SRD5A2: variants seen among roughly 807,000 people sequenced by gnomAD.
The protein encoded by SRD5A2 is 3-oxo-5-alpha-steroid 4-dehydrogenase 2.
SRD5A2 carries 30 observed loss-of-function variants against 27.4 expected under a neutral mutation model. The observed-to-expected ratio is 1.10, with a 90% CI of 0.82 to 1.49. SRD5A2 has a LOEUF of 1.49. SRD5A2 is among the 40% of genes most tolerant of loss of function. SRD5A2 has a pLI of 0.00. For synonymous variants in SRD5A2, 141 were observed against 133.6 expected (o/e 1.06, Z -0.38); for missense variants, 348 against 323.4 (o/e 1.08, Z -0.58).
Position 31,531,483 on chromosome 2 carries a change from A to T in SRD5A2, c.446-11T>A, listed in dbSNP as rs761782703. 2.1e-5 allele frequency: 33 copies of T among 1,565,738 alleles called. No homozygotes were observed. Among genetic ancestry groups the T allele is most frequent in the Non-Finnish European group, 2.8e-5 (32 of 1,150,804 alleles). ...TAAATAAGAAGACACCTTGACAAAG[A>T]AGAGAGAAAGGAGAAATTTTTTTTA... On this transcript the variant is annotated splice_polypyrimidine_tract_variant and intron_variant, in intron 2 of 4. Coordinates refer to ENST00000622030, the MANE Select transcript of SRD5A2 (RefSeq NM_000348.4).
At chr2:31,573,486 C>T (rs1394715864) in intron 1 of SRD5A2, among the ~76,000 whole-genome samples, 1 of 152,212 alleles carries the variant, frequency 6.6e-6, no homozygotes, top group Non-Finnish European at 1.5e-5. Context: ...AGGGAGTCAA[C>T]AGCAGAACGG....
the SRD5A2 span, among the ~76,000 whole-genome samples, chr2:31,652,444 T>C: frequency 6.9e-6 from 1 of 143,948 alleles, no homozygotes; most frequent in Non-Finnish European, 1.5e-5. Context: ...TTTTCTAATC[T>C]AAAAAAAAAA....
the SRD5A2 span, among the ~76,000 whole-genome samples, chr2:31,617,202 G>T: frequency 5.9e-5 from 9 of 151,820 alleles, no homozygotes; most frequent in African/African-American, 1.9e-4. Flanking sequence ...CATGAAAACA[G>T]ACTAATACAG....
At chr2:31,545,872 GGATA>G (rs1448092344) in intron 1 of SRD5A2, among the ~76,000 whole-genome samples, 1 of 152,104 alleles carries the variant, frequency 6.6e-6, no homozygotes, top group Non-Finnish European at 1.5e-5. Flanking sequence ...CAAAGTAGCA[GGATA>G]GAGAGTTGAC....
chr2:31,591,153 T>C, the SRD5A2 span, among the ~76,000 whole-genome samples: 2 of 152,156 alleles, frequency 1.3e-5, no homozygotes, highest in African/African-American at 2.4e-5. Flanking sequence ...ACAGGCAACA[T>C]ACAGAATGGG....
chr2:31,656,071 G>A, the SRD5A2 span, among the ~76,000 whole-genome samples: 1 of 152,178 alleles, frequency 6.6e-6, no homozygotes, highest in South Asian at 2.1e-4. Context: ...TTCTCTCTGT[G>A]AAGCAGAAGA....
chr2:31,580,981 G>GCCACCC, upstream of SRD5A2: 1 of 1,438,288 alleles, frequency 7.0e-7, no homozygotes, highest in Non-Finnish European at 9.2e-7. Flanking sequence ...AGCGCCAGAC[G>GCCACCC]CCACCCGTGT....
chr2:31,592,637 C>A, the SRD5A2 span, among the ~76,000 whole-genome samples: 1 of 152,196 alleles, frequency 6.6e-6, no homozygotes, highest in Non-Finnish European at 1.5e-5. Context: ...GAGGCCCCAT[C>A]CCTGGGGGAT....
intron 1 of SRD5A2, among the ~76,000 whole-genome samples, chr2:31,571,631 G>A (rs1410633562): frequency 1.3e-5 from 2 of 152,118 alleles, no homozygotes; most frequent in African/African-American, 2.4e-5. Flanking sequence ...TCTGACAAAG[G>A]TCTAATATCC....
chr2:31,653,818 C>A, the SRD5A2 span, among the ~76,000 whole-genome samples: 1 of 152,078 alleles, frequency 6.6e-6, no homozygotes, highest in African/African-American at 2.4e-5. Flanking sequence ...CGCCACCATG[C>A]CCAGCTAATT....
At chr2:31,631,573 A>C in the SRD5A2 span, among the ~76,000 whole-genome samples, 2 of 152,140 alleles carry the variant, frequency 1.3e-5, no homozygotes, top group Non-Finnish European at 2.9e-5. Context: ...GTCAGACTTG[A>C]AGCAAATTAA....
chr2:31,524,863 T>G lies in SRD5A2; in HGVS notation c.*1333A>C, dbSNP rs1665738249. The stretch of plus-strand genomic sequence containing the variant: ...CCTTAGAGAGTCCATATCTCAGCAC[T>G]CATGCTGGGGTGACCCCTTCACAAG... On this transcript the variant is annotated 3_prime_UTR_variant, in exon 5 of 5. Coordinates refer to ENST00000622030, the MANE Select transcript of SRD5A2 (RefSeq NM_000348.4). 8.8e-6 allele frequency: 2 copies of G among 226,810 alleles called. No individual in the cohort carries two copies. The highest frequency in any genetic ancestry group is 1.1e-4 in the Admixed American group (2 of 17,566). 14.0% of individuals were successfully genotyped at this position (226,810 alleles called of 1,614,324 possible). A position where few individuals can be genotyped will look rare whatever the true frequency, so the allele number is the denominator to read the frequency against.
At chr2:31,572,828 C>G (rs865848861) in intron 1 of SRD5A2, among the ~76,000 whole-genome samples, 6 of 151,934 alleles carry the variant, frequency 3.9e-5, no homozygotes, top group Non-Finnish European at 8.8e-5. Context: ...ATATCAAAAC[C>G]AAATTACCCT....
In SRD5A2 at chr2:31,535,225, T is replaced by C. The variant is rs891197645; in HGVS notation, c.282-1459A>G. Among the ~76,000 whole-genome samples the C allele has an allele frequency of 3.3e-5, 5 of 152,160 alleles. No individual in the cohort carries two copies. The East Asian group carries it at 9.6e-4, about 29-fold the overall frequency. ...TTAGTAGAGACAGAGTTTCACCATATTGGCCAGGCTGGTCTGGAACTCTTG... is the reference window on the plus strand; with the variant it reads ...TTAGTAGAGACAGAGTTTCACCATACTGGCCAGGCTGGTCTGGAACTCTTG... On this transcript the variant is annotated intron_variant, in intron 1 of 4. Coordinates refer to ENST00000622030, the MANE Select transcript of SRD5A2 (RefSeq NM_000348.4).
At chr2:31,582,315 C>G (rs1341413028), upstream of SRD5A2, among the ~76,000 whole-genome samples, 1 of 152,180 alleles carries the variant, frequency 6.6e-6, no homozygotes, top group Non-Finnish European at 1.5e-5. Context: ...CTCATCTGCT[C>G]CCGTTTGGGG....
At position 31,523,416 on chromosome 2, in the gene SRD5A2, A is replaced by AC; in HGVS notation, c.*2779dup. 1 of 217,714 alleles carries AC rather than the reference A, an allele frequency of 4.6e-6. No individual in the cohort carries two copies. Among genetic ancestry groups the AC allele is most frequent in the Non-Finnish European group, 9.2e-6 (1 of 108,300 alleles). The allele number at this position is 217,714 out of a possible 1,614,324, so 13.5% of individuals were successfully genotyped here. On this transcript the variant is annotated 3_prime_UTR_variant, in exon 5 of 5. Transcript: ENST00000622030. Reference sequence around the variant, plus strand: ...CTTAAGCAGAAGAAGCATACATCTGACCCTCAAAGGGACAAAATGAGATGG... The same window carrying AC: ...CTTAAGCAGAAGAAGCATACATCTGACCCCTCAAAGGGACAAAATGAGATGG...
chr2:31,631,793 A>C, the SRD5A2 span, among the ~76,000 whole-genome samples: 23 of 152,320 alleles, frequency 1.5e-4, no homozygotes, highest in African/African-American at 5.5e-4. Context: ...ATGACAACAG[A>C]GGAAAGAGAA....
chr2:31,657,303 C>T, the SRD5A2 span, among the ~76,000 whole-genome samples: 46 of 152,238 alleles, frequency 3.0e-4, 3 homozygotes, highest in South Asian at 7.3e-3. Context: ...AGAATTTTTC[C>T]ATACATCTAA....
At chr2:31,553,643 T>C (rs1308432376) in intron 1 of SRD5A2, among the ~76,000 whole-genome samples, 1 of 151,968 alleles carries the variant, frequency 6.6e-6, no homozygotes, top group Non-Finnish European at 1.5e-5. Context: ...TGAAGAAAAA[T>C]AAAACTGCCA....
Sources: allele counts gnomAD v4.1 joint callset (sites outside exome capture counted in the v4.1 genomes callset), GRCh38; gene constraint gnomAD v4.1.1; transcripts MANE v1.5; gene names NCBI Gene and HGNC (gene_info 2026-07-23, HGNC 2026-07-21).